PTPN4: variants seen among roughly 807,000 people sequenced by gnomAD.
PTPN4 encodes the protein protein tyrosine phosphatase non-receptor type 4.
PTPN4 carries 49 observed loss-of-function variants against 135.5 expected under a neutral mutation model. The ratio of observed to expected loss-of-function variants is 0.36; its 90% CI spans 0.29 to 0.46. The LOEUF (loss-of-function observed/expected upper bound fraction) is 0.46, where lower values mean the gene tolerates loss of function less well. Among genes scored for constraint, PTPN4 ranks in the 20% least tolerant of loss-of-function variants. PTPN4 has a pLI of 1.00. For missense variants in PTPN4, 860 were observed against 1,101.0 expected (o/e 0.78, Z 3.10); for synonymous variants, 333 against 369.9 (o/e 0.90, Z 1.14).
chr2:119,905,035 C>CAAAA (rs35974878), intron 10 of PTPN4, among the ~76,000 whole-genome samples: 2,544 of 96,398 alleles, frequency 0.026, 40 homozygotes, highest in Non-Finnish European at 0.044. Context: ...GTTATTACTA[C>CAAAA]AAAAAAAAAA....
chr2:119,811,026 C>T (rs1353719933), intron 2 of PTPN4, among the ~76,000 whole-genome samples: 1 of 151,866 alleles, frequency 6.6e-6, no homozygotes, highest in African/African-American at 2.4e-5. Context: ...GGTATTTCCA[C>T]ACTTTGAAAT....
intron 8 of PTPN4, 61 bp from the exon 9 acceptor site, chr2:119,885,734 T>G: frequency 1.7e-6 from 2 of 1,200,140 alleles, no homozygotes; most frequent in Non-Finnish European, 2.4e-6. Context: ...TTTTTCTAAT[T>G]TAGCCATATT....
chr2:119,802,663 A>T (rs1201213000), intron 1 of PTPN4, among the ~76,000 whole-genome samples: 2 of 152,104 alleles, frequency 1.3e-5, no homozygotes, highest in East Asian at 1.9e-4. Flanking sequence ...CATGAGGAAT[A>T]TTGGTTTGTA....
chr2:119,811,391 T>G (rs1691569829), intron 2 of PTPN4, among the ~76,000 whole-genome samples: 2 of 152,214 alleles, frequency 1.3e-5, no homozygotes, highest in Admixed American at 1.3e-4. Flanking sequence ...TAAAAATACC[T>G]TCAACATTAT....
chr2:119,857,494 A>G (rs1004909058), intron 2 of PTPN4, among the ~76,000 whole-genome samples: 1 of 151,188 alleles, frequency 6.6e-6, no homozygotes, highest in Non-Finnish European at 1.5e-5. Flanking sequence ...AGATCACACC[A>G]CTGCACTCCA....
intron 8 of PTPN4, among the ~76,000 whole-genome samples, chr2:119,884,886 T>C (rs1225312672): frequency 1.3e-5 from 2 of 152,150 alleles, no homozygotes; most frequent in Non-Finnish European, 2.9e-5. Flanking sequence ...AATAGAAAGT[T>C]TGTATCTTTG....
chr2:119,844,642 A>C (rs1477461593), intron 2 of PTPN4, among the ~76,000 whole-genome samples: 1 of 150,190 alleles, frequency 6.7e-6, no homozygotes, highest in African/African-American at 2.5e-5. Flanking sequence ...CGCTCCCCAC[A>C]TCTCAGAGGA....
At chr2:119,922,259 CA>C (rs1678748656) in intron 12 of PTPN4, among the ~76,000 whole-genome samples, 1 of 148,132 alleles carries the variant, frequency 6.8e-6, no homozygotes, top group Admixed American at 6.7e-5. Flanking sequence ...GGGAAGGGAG[CA>C]ACACCTGCCA....
chr2:119,794,280 A>G (rs1254508780), intron 1 of PTPN4, among the ~76,000 whole-genome samples: 1 of 152,202 alleles, frequency 6.6e-6, no homozygotes, highest in Non-Finnish European at 1.5e-5. Context: ...CTCTGTGGCC[A>G]GTGGCGCCTT....
chr2:119,799,515 A>G (rs1044708252), intron 1 of PTPN4, among the ~76,000 whole-genome samples: 1 of 152,198 alleles, frequency 6.6e-6, no homozygotes, highest in African/African-American at 2.4e-5. Flanking sequence ...TTTGGTTATT[A>G]TACTTTAGGT....
In PTPN4 at chr2:119,900,733, G is replaced by A; in HGVS notation, c.691G>A (p.Glu231Lys). 2 of 1,575,754 alleles carry A rather than the reference G, an allele frequency of 1.3e-6. No homozygotes were observed. The highest frequency in any genetic ancestry group is 1.7e-6 in the Non-Finnish European group (2 of 1,159,340). Residue 231 changes from glutamate to lysine, a missense_variant, in exon 10 of 27, where the codon GAA (glutamate) becomes AAA (lysine). Glu to Lys is a moderately conservative substitution (Grantham distance 56). Transcript: ENST00000263708. ...FHYARDQSNN[E>K]IMIGVMSGGI... Reference sequence around the variant, plus strand: ...TTTTTTGAAGGATCAGAGTAACAATGAAATTATGATTGGAGTGATGTCAGG... The same window carrying A: ...TTTTTTGAAGGATCAGAGTAACAATAAAATTATGATTGGAGTGATGTCAGG...
intron 1 of PTPN4, among the ~76,000 whole-genome samples, chr2:119,803,756 C>T (rs1320304904): frequency 2.0e-5 from 3 of 151,598 alleles, no homozygotes; most frequent in Non-Finnish European, 2.9e-5. Flanking sequence ...GTTGAGCTCT[C>T]CTATAATTGT....
At chr2:119,853,609 T>G (rs1387306988) in intron 2 of PTPN4, among the ~76,000 whole-genome samples, 2 of 152,190 alleles carry the variant, frequency 1.3e-5, no homozygotes, top group East Asian at 1.9e-4. Context: ...AATAGTATTG[T>G]GTTTTCCCCA....
At chr2:119,946,245 C>A in intron 16 of PTPN4, 96 bp from the exon 17 acceptor site, 3 of 915,932 alleles carry the variant, frequency 3.3e-6, no homozygotes, top group African/African-American at 1.7e-5. Flanking sequence ...ACAAACTATG[C>A]ATAATATAAG....
intron 1 of PTPN4, among the ~76,000 whole-genome samples, chr2:119,765,878 C>G (rs560846501): frequency 9.9e-5 from 15 of 151,310 alleles, no homozygotes; most frequent in Admixed American, 7.2e-4. Context: ...CTGTCTCTGT[C>G]TGGGTGGGTG....
intron 1 of PTPN4, among the ~76,000 whole-genome samples, chr2:119,807,588 C>G (rs538097316): frequency 9.2e-5 from 14 of 152,222 alleles, no homozygotes; most frequent in African/African-American, 3.1e-4. Flanking sequence ...AATTAATAGC[C>G]TACCGACCAA....
intron 3 of PTPN4, among the ~76,000 whole-genome samples, chr2:119,874,437 T>TA (rs1230233109): frequency 4.6e-5 from 7 of 152,136 alleles, no homozygotes; most frequent in African/African-American, 1.7e-4. Flanking sequence ...GTATCAGCCA[T>TA]AAAAAGGAAT....
intron 2 of PTPN4, among the ~76,000 whole-genome samples, chr2:119,824,684 G>T (rs1029319801): frequency 6.6e-6 from 1 of 152,134 alleles, no homozygotes; most frequent in Non-Finnish European, 1.5e-5. Flanking sequence ...GTAAGGAGTT[G>T]AATATAAACA....
intron 16 of PTPN4, 143 bp from the exon 17 acceptor site, chr2:119,946,198 T>G (rs1235014587): frequency 2.5e-5 from 16 of 644,406 alleles, no homozygotes; most frequent in Middle Eastern, 4.3e-4. Flanking sequence ...GAATTTACTC[T>G]TCTGAACTAA....
Sources: gnomAD v4.1 joint callset for allele counts (sites outside exome capture counted in the v4.1 genomes callset) on GRCh38, gnomAD v4.1.1 for gene constraint, MANE v1.5 for transcripts, NCBI Gene and HGNC (gene_info 2026-07-23, HGNC 2026-07-21) for gene names.